Variants in KCNMA1 observed in about 807,000 individuals in gnomAD.
KCNMA1 encodes Calcium-activated potassium channel subunit alpha-1.
In KCNMA1, 29 loss-of-function variants were observed where a neutral mutation model predicts 140.0. The ratio of observed to expected loss-of-function variants is 0.21; its 90% CI spans 0.15 to 0.28. The LOEUF (loss-of-function observed/expected upper bound fraction) is 0.28. Among genes scored for constraint, KCNMA1 ranks in the 10% least tolerant of loss-of-function variants. KCNMA1 has a pLI of 1.00. For synonymous variants in KCNMA1, 612 were observed against 611.9 expected (o/e 1.00, Z 0.00); for missense variants, 880 against 1,602.2 (o/e 0.55, Z 7.70).
chr10:77,045,400 G>T (rs923840781), intron 14 of KCNMA1, among the ~76,000 whole-genome samples: 3 of 152,140 alleles, frequency 2.0e-5, no homozygotes, highest in Non-Finnish European at 2.9e-5. Flanking sequence ...ATGCTCTGTG[G>T]GTCCTTATTC....
chr10:77,295,491 C>A (rs1323392165), intron 2 of KCNMA1, among the ~76,000 whole-genome samples: 1 of 151,594 alleles, frequency 6.6e-6, no homozygotes, highest in African/African-American at 2.4e-5. Context: ...TGTTAATAAA[C>A]AGTTTTCAGG....
chr10:77,529,235 T>A (rs2056897735), intron 1 of KCNMA1, among the ~76,000 whole-genome samples: 1 of 125,084 alleles, frequency 8.0e-6, no homozygotes, highest in Non-Finnish European at 1.6e-5. Flanking sequence ...CCCTCCCCTC[T>A]TTTTCCCCCT....
At chr10:77,015,582 C>T (rs2091860686) in intron 17 of KCNMA1, among the ~76,000 whole-genome samples, 1 of 152,112 alleles carries the variant, frequency 6.6e-6, no homozygotes, top group Non-Finnish European at 1.5e-5. Context: ...ACTCCAGACT[C>T]TAAGATCCAA....
chr10:77,182,221 G>A (rs2098808642), intron 5 of KCNMA1, among the ~76,000 whole-genome samples: 1 of 152,132 alleles, frequency 6.6e-6, no homozygotes, highest in Non-Finnish European at 1.5e-5. Flanking sequence ...GAATAACAGT[G>A]TTTATTAAAC....
At chr10:77,048,921 C>T (rs1234734524) in intron 14 of KCNMA1, among the ~76,000 whole-genome samples, 1 of 151,946 alleles carries the variant, frequency 6.6e-6, no homozygotes, top group Non-Finnish European at 1.5e-5. Flanking sequence ...CCACCACGCC[C>T]GGTTAATTTT....
chr10:77,072,972 G>A, intron 14 of KCNMA1, 125 bp downstream of exon 14: 1 of 904,944 alleles, frequency 1.1e-6, no homozygotes, highest in Admixed American at 2.0e-5. Context: ...CCGTAACAAG[G>A]AATTTCTCCT....
At chr10:77,287,312 C>T (rs1163517808) in intron 2 of KCNMA1, among the ~76,000 whole-genome samples, 1 of 152,244 alleles carries the variant, frequency 6.6e-6, no homozygotes, top group African/African-American at 2.4e-5. Context: ...AGCAGTACGT[C>T]ACTGCCCCAT....
At chr10:77,466,686 C>T (rs191587446) in intron 1 of KCNMA1, among the ~76,000 whole-genome samples, 7 of 152,300 alleles carry the variant, frequency 4.6e-5, no homozygotes, top group African/African-American at 1.7e-4. Flanking sequence ...CTGAATGTAG[C>T]TCTAGTGAGA....
intron 1 of KCNMA1, among the ~76,000 whole-genome samples, chr10:77,555,315 T>C (rs1490131434): frequency 6.6e-6 from 1 of 152,112 alleles, no homozygotes; most frequent in Non-Finnish European, 1.5e-5. Context: ...TCAAACTCCA[T>C]GGATCAAGGG....
At chr10:77,423,885 C>T (rs2096921352) in intron 1 of KCNMA1, among the ~76,000 whole-genome samples, 1 of 152,206 alleles carries the variant, frequency 6.6e-6, no homozygotes, top group Admixed American at 6.5e-5. Context: ...CTTCTCTCTT[C>T]CCTCCCAAGG....
chr10:77,622,438 T>G (rs1423421817), intron 1 of KCNMA1, among the ~76,000 whole-genome samples: 1 of 152,224 alleles, frequency 6.6e-6, no homozygotes, highest in East Asian at 1.9e-4. Context: ...CTGGCTCTGC[T>G]CCTCACCTGT....
chr10:77,544,150 C>CTGTGTGTGTG (rs35370605), intron 1 of KCNMA1, among the ~76,000 whole-genome samples: 35 of 142,554 alleles, frequency 2.5e-4, no homozygotes, highest in African/African-American at 6.5e-4. Flanking sequence ...ATCTTTCCAG[C>CTGTGTGTGTG]TGTGTGTGTG....
intron 1 of KCNMA1, among the ~76,000 whole-genome samples, chr10:77,617,754 G>A (rs1469630962): frequency 6.6e-6 from 1 of 152,202 alleles, no homozygotes; most frequent in Non-Finnish European, 1.5e-5. Flanking sequence ...TTAGAGGATT[G>A]AGATAATGCA....
chr10:77,142,530 T>C (rs551569440), intron 5 of KCNMA1, among the ~76,000 whole-genome samples: 3 of 152,142 alleles, frequency 2.0e-5, no homozygotes, highest in Non-Finnish European at 4.4e-5. Context: ...GGCTTCACAA[T>C]AATTCTATAT....
intron 2 of KCNMA1, among the ~76,000 whole-genome samples, chr10:77,336,345 A>G (rs2088962338): frequency 6.6e-6 from 1 of 152,200 alleles, no homozygotes; most frequent in Non-Finnish European, 1.5e-5. Flanking sequence ...GACAAAGAAT[A>G]AAAGAGCTGT....
At chr10:76,946,246 C>A (rs970126116) in intron 22 of KCNMA1, among the ~76,000 whole-genome samples, 1 of 152,132 alleles carries the variant, frequency 6.6e-6, no homozygotes, top group Non-Finnish European at 1.5e-5. Flanking sequence ...GCCATAGCTC[C>A]CCAGTGGCCA....
intron 20 of KCNMA1, among the ~76,000 whole-genome samples, chr10:76,966,655 G>T (rs557579173): frequency 2.0e-5 from 3 of 152,122 alleles, no homozygotes; most frequent in Non-Finnish European, 2.9e-5. Context: ...TTGGGCAACG[G>T]GTGCTTGGTA....
chr10:77,204,627 C>A (rs1451789297), intron 3 of KCNMA1, among the ~76,000 whole-genome samples: 2 of 152,166 alleles, frequency 1.3e-5, no homozygotes, highest in Non-Finnish European at 2.9e-5. Flanking sequence ...GCTTGAAGCA[C>A]ATTCAGCATT....
intron 1 of KCNMA1, among the ~76,000 whole-genome samples, chr10:77,451,152 G>A (rs1418101554): frequency 3.9e-5 from 6 of 152,152 alleles, no homozygotes; most frequent in Non-Finnish European, 8.8e-5. Context: ...CAAGACACAA[G>A]CCCTACTGGC....
Sources: allele counts gnomAD v4.1 joint callset (sites outside exome capture counted in the v4.1 genomes callset), GRCh38; gene constraint gnomAD v4.1.1; transcripts MANE v1.5; gene names NCBI Gene and HGNC (gene_info 2026-07-23, HGNC 2026-07-21).